The following ADH5 variants were observed in gnomAD, a reference collection of about 807,000 sequenced individuals.
ADH5 encodes alcohol dehydrogenase class-3.
In ADH5, 32 loss-of-function variants were observed where a neutral mutation model predicts 40.3. The ratio of observed to expected loss-of-function variants is 0.79; its 90% CI spans 0.60 to 1.07. The LOEUF (loss-of-function observed/expected upper bound fraction) is 1.07. Among genes scored for constraint, ADH5 ranks in the 50% least tolerant of loss-of-function variants. ADH5 has a pLI of 0.00. For missense variants in ADH5, 353 were observed against 460.5 expected, an observed-to-expected ratio of 0.77 and a Z score of 2.14; for synonymous variants, 125 against 154.3, an observed-to-expected ratio of 0.81 and a Z score of 1.41.
At chr4:99,075,462 C>T (rs1240350540) in intron 6 of ADH5, 1 of 152,654 alleles carries the variant, frequency 6.6e-6, no homozygotes, top group Non-Finnish European at 1.5e-5. Flanking sequence ...CTGCCTTGGC[C>T]TCCCAAAATG....
chr4:99,088,648 C>CGG, intron 1 of ADH5, 41 bp downstream of exon 1: 1 of 1,591,392 alleles, frequency 6.3e-7, no homozygotes, highest in Non-Finnish European at 8.6e-7. Context: ...GCCATGCACT[C>CGG]CCTCCCTTGG....
intron 2 of ADH5, 138 bp downstream of exon 2, chr4:99,084,977 G>T (rs565587506): frequency 2.2e-5 from 9 of 417,106 alleles, no homozygotes; most frequent in Non-Finnish European, 3.8e-5. Context: ...TGTTGTGATT[G>T]TAAGGCTGGA....
At chr4:99,086,549 C>T (rs1399394689) in intron 1 of ADH5, among the ~76,000 whole-genome samples, 2 of 152,248 alleles carry the variant, frequency 1.3e-5, no homozygotes, top group South Asian at 4.2e-4. Flanking sequence ...TTTGGGAGAG[C>T]TTCACTTCTA....
chr4:99,078,074 T>C (rs28730619), intron 4 of ADH5, among the ~76,000 whole-genome samples: 25,682 of 152,184 alleles, frequency 0.17, 3,097 homozygotes, highest in African/African-American at 0.31. Flanking sequence ...ATAAACACTA[T>C]AATTGCTTTT....
intron 4 of ADH5, 124 bp downstream of exon 4, chr4:99,081,241 G>A (rs1171488937): frequency 2.1e-5 from 14 of 656,502 alleles, no homozygotes; most frequent in South Asian, 5.1e-5. Context: ...TCCTTTGAAC[G>A]TTAATCCGAC....
intron 1 of ADH5, among the ~76,000 whole-genome samples, chr4:99,088,141 G>T (rs1013168089): frequency 1.3e-5 from 2 of 152,144 alleles, no homozygotes; most frequent in Admixed American, 6.5e-5. Context: ...GAGGACTAGA[G>T]GGAATATAAA....
intron 6 of ADH5, chr4:99,076,043 G>C: frequency 2.2e-6 from 1 of 457,198 alleles, no homozygotes; most frequent in South Asian, 2.4e-5. Context: ...GCTTTATTCT[G>C]TCTTTTCATT....
intron 6 of ADH5, 88 bp from the exon 7 acceptor site, chr4:99,075,137 T>C: frequency 8.1e-7 from 1 of 1,237,258 alleles, no homozygotes; most frequent in Non-Finnish European, 1.1e-6. Flanking sequence ...GATGGCATAG[T>C]TTTTAAAGAT....
chr4:99,087,869 AAT>A (rs1356858052), intron 1 of ADH5, among the ~76,000 whole-genome samples: 1 of 152,274 alleles, frequency 6.6e-6, no homozygotes, highest in Non-Finnish European at 1.5e-5. Context: ...TTCAAACTCC[AAT>A]ATGTTTAAGG....
At chr4:99,081,502 T>G (rs751617025) in intron 3 of ADH5, 50 bp from the exon 4 acceptor site, 103 of 1,321,696 alleles carry the variant, frequency 7.8e-5, no homozygotes, top group Non-Finnish European at 8.2e-5. Flanking sequence ...TATTTCTAAA[T>G]GAAAACATCA....
chr4:99,072,451 G>A lies in ADH5; in HGVS notation c.1101-10C>T, dbSNP rs760113173. On this transcript the variant is annotated splice_polypyrimidine_tract_variant and intron_variant, in intron 8 of 8. Coordinates refer to ENST00000296412, the MANE Select transcript of ADH5 (RefSeq NM_000671.4). Reference sequence around the variant, plus strand: ...TACAACAGTTCGAATGCTGTAAAAGGAAGCAACATACTAAGTTTTAAATGA... The same window carrying A: ...TACAACAGTTCGAATGCTGTAAAAGAAAGCAACATACTAAGTTTTAAATGA... The A allele has an allele frequency of 2.5e-6, 4 of 1,613,008 alleles. No homozygotes were observed. The highest frequency in any genetic ancestry group is 2.7e-5 in the African/African-American group (2 of 75,010).
chr4:99,084,911 A>G lies in ADH5; in HGVS notation c.114+204T>C, dbSNP rs561463845. ...CATGGGGATAGCTGCTCAGCCCAAG[A>G]TCAAAACTAAAAGAGATGGAGAAGC... On this transcript the variant is annotated intron_variant, in intron 2 of 8. Transcript: ENST00000296412. 5.3e-5 allele frequency among the ~76,000 whole-genome samples: 8 copies of G among 152,358 alleles called. No individual in the cohort carries two copies. In the South Asian group the frequency reaches 1.7e-3, roughly 32 times the overall value.
intron 1 of ADH5, among the ~76,000 whole-genome samples, chr4:99,087,191 C>G (rs2035163485): frequency 1.3e-5 from 2 of 151,878 alleles, no homozygotes; most frequent in African/African-American, 4.8e-5. Context: ...GGAGACCAGC[C>G]TGGCCACTAT....
chr4:99,082,757 A>G (rs1183155242), intron 2 of ADH5, among the ~76,000 whole-genome samples: 1 of 152,060 alleles, frequency 6.6e-6, no homozygotes, highest in African/African-American at 2.4e-5. Context: ...GCTCACTGCA[A>G]ACTCCGCCTC....
Position 99,082,095 on chromosome 4 carries a change from G to C in ADH5, c.136C>G (p.His46Asp). The change falls in exon 3 of 9, where the codon CAC (histidine) becomes GAC (aspartate). Residue 46 changes from histidine (H) to aspartate (D), a missense_variant. By Grantham distance (81) the His-to-Asp change is moderately conservative (BLOSUM62 -1). Transcript: ENST00000296412. Reference protein sequence around the residue: ...RIKIIATAVCHTDAYTLSGAD... With the variant: ...RIKIIATAVCDTDAYTLSGAD... ...CCACTCAGGGTATAGGCATCGGTGT[G>C]GCAAACCGCAGTGGCAATGATCTAT... 1 of 1,613,778 alleles carries C rather than the reference G, an allele frequency of 6.2e-7. No individual in the cohort carries two copies. Among genetic ancestry groups the C allele is most frequent in the Non-Finnish European group, 8.5e-7 (1 of 1,179,792 alleles).
At chr4:99,074,427 G>C (rs1442676263) in intron 7 of ADH5, among the ~76,000 whole-genome samples, 1 of 152,128 alleles carries the variant, frequency 6.6e-6, no homozygotes, top group Non-Finnish European at 1.5e-5. Flanking sequence ...ATAAGGCTTT[G>C]TCCAATTAAA....
chr4:99,072,628 T>A lies in ADH5; in HGVS notation c.1045A>T (p.Asn349Tyr). ...TTGTTGATTTCATCAAAAGACAGAT[T>A]GTGAGTCACAAATTCATCAACTTTT... is the stretch of plus-strand genomic sequence containing the variant. ...KIKVDEFVTH[N>Y]LSFDEINKAF... The change falls in exon 8 of 9, where the codon AAT (asparagine) becomes TAT (tyrosine). Residue 349 changes from asparagine to tyrosine, a missense_variant. Asn to Tyr is a moderately radical substitution (Grantham distance 143). Transcript: ENST00000296412. The A allele has an allele frequency of 6.2e-7, 1 of 1,613,806 alleles. No homozygotes were observed. The highest frequency in any genetic ancestry group is 8.5e-7 in the Non-Finnish European group (1 of 1,179,824).
At chr4:99,080,296 A>G (rs1728003953) in intron 4 of ADH5, among the ~76,000 whole-genome samples, 1 of 152,266 alleles carries the variant, frequency 6.6e-6, no homozygotes, top group African/African-American at 2.4e-5. Flanking sequence ...GAGTTGAAAG[A>G]AAAATGAGCC....
intron 4 of ADH5, among the ~76,000 whole-genome samples, chr4:99,077,889 TG>T (rs1419342196): frequency 6.6e-6 from 1 of 152,226 alleles, no homozygotes; most frequent in African/African-American, 2.4e-5. Flanking sequence ...AAATCCTGTG[TG>T]ATCTGAGCAA....
Sources: gnomAD v4.1 joint callset for allele counts (sites outside exome capture counted in the v4.1 genomes callset) on GRCh38, gnomAD v4.1.1 for gene constraint, MANE v1.5 for transcripts, NCBI Gene and HGNC (gene_info 2026-07-23, HGNC 2026-07-21) for gene names.